Variants in PPP2R3A observed in about 807,000 individuals in gnomAD.
PPP2R3A encodes the protein protein phosphatase 2 regulatory subunit B''alpha.
Under a neutral mutation model 106.9 loss-of-function variants are expected in PPP2R3A, and 80 were observed. The observed-to-expected ratio is 0.75, with a 90% CI of 0.62 to 0.90. The LOEUF (loss-of-function observed/expected upper bound fraction) is 0.90. Among genes scored for constraint, PPP2R3A ranks in the 40% least tolerant of loss-of-function variants. The probability of loss-of-function intolerance (pLI) is 0.00; values close to 1 mark genes in which losing one functional copy is unlikely to be tolerated. For synonymous variants in PPP2R3A, 483 were observed against 468.3 expected (o/e 1.03, Z -0.41); for missense variants, 1,386 against 1,350.4 (o/e 1.03, Z -0.41).
intron 1 of PPP2R3A, among the ~76,000 whole-genome samples, chr3:135,984,252 A>G (rs1046778024): frequency 6.6e-6 from 1 of 152,168 alleles, no homozygotes; most frequent in Admixed American, 6.5e-5. Context: ...GCCTTAATAT[A>G]GACATAGTAT....
chr3:136,140,971 A>G lies in PPP2R3A; in HGVS notation c.3330-4072A>G, dbSNP rs562830456. 2.6e-4 allele frequency among the ~76,000 whole-genome samples: 40 copies of G among 152,344 alleles called. No homozygotes were observed. In the South Asian group the frequency reaches 6.6e-3, roughly 25 times the overall value. ...CACTCTTACCATTTTACTGACTCCAATCCTGTCCCGGCAACTCTACACATT... is the reference window on the plus strand; with the variant it reads ...CACTCTTACCATTTTACTGACTCCAGTCCTGTCCCGGCAACTCTACACATT... On this transcript the variant is annotated intron_variant, in intron 13 of 13. Coordinates refer to ENST00000264977, the MANE Select transcript of PPP2R3A (RefSeq NM_002718.5).
chr3:136,118,219 AAC>A (rs1455402100), intron 13 of PPP2R3A, among the ~76,000 whole-genome samples: 2 of 152,174 alleles, frequency 1.3e-5, no homozygotes, highest in African/African-American at 4.8e-5. Flanking sequence ...GTATTGATGG[AAC>A]ACAGTCTCAA....
rs543304073 is a variant in PPP2R3A at position 136,081,442 on chromosome 3, T to G, written c.2632-823T>G. Among the ~76,000 whole-genome samples the G allele has an allele frequency of 2.6e-5, 4 of 152,318 alleles. No homozygotes were observed. The South Asian group carries it at 8.3e-4, about 32-fold the overall frequency. On this transcript the variant is annotated intron_variant, in intron 7 of 13. Coordinates refer to ENST00000264977, the MANE Select transcript of PPP2R3A (RefSeq NM_002718.5). The stretch of plus-strand genomic sequence containing the variant: ...TAGATGCATATAGGTAGATCTGTTT[T>G]GGGGGCATGGTTTTGATACTTAATC...
At chr3:135,975,173 G>T (rs1404163859) in intron 1 of PPP2R3A, among the ~76,000 whole-genome samples, 1 of 152,190 alleles carries the variant, frequency 6.6e-6, no homozygotes, top group East Asian at 1.9e-4. Context: ...GAGGCTCACT[G>T]GGTGCTGGCA....
rs774143299 is a variant in PPP2R3A at position 136,082,379 on chromosome 3, C to G, written c.2746C>G (p.Leu916Val). The change falls in exon 8 of 14, where the codon CTC (leucine) becomes GTC (valine). Residue 916 changes from leucine to valine, a missense_variant. Transcript: ENST00000264977. Reference protein sequence around the residue: ...KFWELDTDHDLYISQADLSRY... With the variant: ...KFWELDTDHDVYISQADLSRY... ...CTGGGAACTAGATACTGATCACGACCTCTACATCAGCCAGGCCGATCTGTC... is the reference window on the plus strand; with the variant it reads ...CTGGGAACTAGATACTGATCACGACGTCTACATCAGCCAGGCCGATCTGTC... The G allele has an allele frequency of 3.1e-6, 5 of 1,613,798 alleles. No individual in the cohort carries two copies. In the Admixed American group the frequency reaches 8.3e-5, roughly 27 times the overall value.
chr3:136,112,065 C>G (rs1193732346), intron 13 of PPP2R3A, among the ~76,000 whole-genome samples: 2 of 152,128 alleles, frequency 1.3e-5, no homozygotes, highest in Non-Finnish European at 2.9e-5. Context: ...TTAATGGACA[C>G]AGAAAAGGCT....
intron 4 of PPP2R3A, among the ~76,000 whole-genome samples, chr3:136,043,888 G>A (rs1935380590): frequency 6.6e-6 from 1 of 152,046 alleles, no homozygotes; most frequent in South Asian, 2.1e-4. Flanking sequence ...CTTTTCTCCT[G>A]CCATAGAGTT....
At chr3:136,138,062 A>G (rs1415040442) in intron 13 of PPP2R3A, among the ~76,000 whole-genome samples, 1 of 152,152 alleles carries the variant, frequency 6.6e-6, no homozygotes, top group Non-Finnish European at 1.5e-5. Flanking sequence ...GGAAAGAAAA[A>G]GAAGGAATGA....
intron 13 of PPP2R3A, among the ~76,000 whole-genome samples, chr3:136,135,372 C>T (rs1228318670): frequency 6.6e-6 from 1 of 152,118 alleles, no homozygotes; most frequent in African/African-American, 2.4e-5. Flanking sequence ...AAGGAAAAAG[C>T]CCGTTTACAG....
At chr3:136,041,910 A>G (rs1340322868) in intron 4 of PPP2R3A, among the ~76,000 whole-genome samples, 1 of 152,044 alleles carries the variant, frequency 6.6e-6, no homozygotes, top group African/African-American at 2.4e-5. Flanking sequence ...GTATATTTAT[A>G]CATCTTAGCT....
At chr3:136,126,740 G>A (rs1011835311) in intron 13 of PPP2R3A, among the ~76,000 whole-genome samples, 1 of 152,116 alleles carries the variant, frequency 6.6e-6, no homozygotes, top group East Asian at 1.9e-4. Context: ...TCCTAGTAGG[G>A]GCCGACAGAT....
chr3:135,966,098 A>G (rs952094718), intron 1 of PPP2R3A, among the ~76,000 whole-genome samples: 1 of 151,902 alleles, frequency 6.6e-6, no homozygotes, highest in Admixed American at 6.5e-5. Flanking sequence ...ACACGGCACC[A>G]GGGAGGTGTG....
At chr3:136,124,537 A>C (rs898695035) in intron 13 of PPP2R3A, among the ~76,000 whole-genome samples, 3 of 152,170 alleles carry the variant, frequency 2.0e-5, no homozygotes, top group African/African-American at 7.2e-5. Flanking sequence ...AGCAGTGCTT[A>C]GAGGGACAGT....
At chr3:136,138,882 T>C (rs1477120281) in intron 13 of PPP2R3A, among the ~76,000 whole-genome samples, 1 of 151,752 alleles carries the variant, frequency 6.6e-6, no homozygotes, top group African/African-American at 2.4e-5. Flanking sequence ...CAGCTAATTT[T>C]GTATTTTTAG....
intron 5 of PPP2R3A, among the ~76,000 whole-genome samples, chr3:136,050,756 C>T (rs527388926): frequency 2.0e-5 from 3 of 152,252 alleles, no homozygotes; most frequent in African/African-American, 7.2e-5. Context: ...TCTCCTGCTG[C>T]CATGTTCCCT....
At chr3:135,979,926 C>T (rs538387872) in intron 1 of PPP2R3A, among the ~76,000 whole-genome samples, 2 of 151,744 alleles carry the variant, frequency 1.3e-5, no homozygotes, top group Non-Finnish European at 2.9e-5. Context: ...TTAAGTAAAT[C>T]CACTGTAAGT....
chr3:136,009,568 A>C (rs1933973874), intron 2 of PPP2R3A, among the ~76,000 whole-genome samples: 1 of 152,006 alleles, frequency 6.6e-6, no homozygotes, highest in African/African-American at 2.4e-5. Context: ...CCTTATGTTT[A>C]TGTCAGTGGT....
chr3:136,143,618 T>A (rs1019673961), intron 13 of PPP2R3A, among the ~76,000 whole-genome samples: 2 of 151,990 alleles, frequency 1.3e-5, no homozygotes, highest in Admixed American at 1.3e-4. Context: ...GGTGAAACCC[T>A]GTCTCTACTG....
At chr3:135,987,664 C>T (rs1288534738) in intron 1 of PPP2R3A, among the ~76,000 whole-genome samples, 4 of 152,106 alleles carry the variant, frequency 2.6e-5, no homozygotes, top group Non-Finnish European at 5.9e-5. Context: ...GGAGAATTGA[C>T]TCACAGTAAT....
Sources: gnomAD v4.1 joint callset for allele counts (sites outside exome capture counted in the v4.1 genomes callset) on GRCh38, gnomAD v4.1.1 for gene constraint, MANE v1.5 for transcripts, NCBI Gene and HGNC (gene_info 2026-07-23, HGNC 2026-07-21) for gene names.